Variants in RAB8B observed in about 807,000 individuals in gnomAD.
RAB8B encodes ras-related protein Rab-8B.
In RAB8B, 11 loss-of-function variants were observed where a neutral mutation model predicts 32.0. The observed-to-expected ratio is 0.34, with a 90% CI of 0.22 to 0.57. The LOEUF is 0.57. RAB8B is among the 20% of genes least tolerant of loss of function. The probability of loss-of-function intolerance (pLI) is 0.86; values close to 1 mark genes in which losing one functional copy is unlikely to be tolerated. For missense variants in RAB8B, 190 were observed against 258.5 expected (o/e 0.73, Z 1.82); for synonymous variants, 103 against 89.6 (o/e 1.15, Z -0.85).
intron 1 of RAB8B, among the ~76,000 whole-genome samples, chr15:63,225,701 C>A (rs1209467290): frequency 6.6e-6 from 1 of 152,160 alleles, no homozygotes; most frequent in African/African-American, 2.4e-5. Flanking sequence ...CTAGGAGCTC[C>A]TTGAGACTCA....
At chr15:63,193,887 T>G (rs2037579504) in intron 1 of RAB8B, among the ~76,000 whole-genome samples, 1 of 152,176 alleles carries the variant, frequency 6.6e-6, no homozygotes, top group African/African-American at 2.4e-5. Context: ...CAACTAGGAA[T>G]GATGATACAG....
At chr15:63,236,410 T>C (rs2037980739) in intron 1 of RAB8B, among the ~76,000 whole-genome samples, 1 of 152,158 alleles carries the variant, frequency 6.6e-6, no homozygotes, top group Non-Finnish European at 1.5e-5. Flanking sequence ...TTGAGCAACA[T>C]GGAAATACCT....
At chr15:63,226,271 C>T (rs2037888506) in intron 1 of RAB8B, among the ~76,000 whole-genome samples, 2 of 152,156 alleles carry the variant, frequency 1.3e-5, no homozygotes, top group South Asian at 4.1e-4. Flanking sequence ...ACTCTTTAGC[C>T]ATATCTGTTA....
intron 1 of RAB8B, among the ~76,000 whole-genome samples, chr15:63,242,270 G>T (rs2038038532): frequency 6.6e-6 from 1 of 151,838 alleles, no homozygotes; most frequent in South Asian, 2.1e-4. Flanking sequence ...AATTCGGTTG[G>T]TTTATGTCTA....
intron 2 of RAB8B, among the ~76,000 whole-genome samples, 172 bp downstream of exon 2, chr15:63,244,988 G>C (rs2038060093): frequency 6.6e-6 from 1 of 152,260 alleles, no homozygotes; most frequent in African/African-American, 2.4e-5. Flanking sequence ...TCTTCACCAA[G>C]AGTTGGGAAG....
chr15:63,229,010 T>C (rs982071159), intron 1 of RAB8B, among the ~76,000 whole-genome samples: 2 of 152,274 alleles, frequency 1.3e-5, no homozygotes, highest in African/African-American at 4.8e-5. Context: ...ATGTATTTTC[T>C]ACATGGTTGC....
intron 3 of RAB8B, among the ~76,000 whole-genome samples, chr15:63,253,967 G>A (rs1336017975): frequency 2.0e-5 from 3 of 152,158 alleles, no homozygotes; most frequent in South Asian, 2.1e-4. Flanking sequence ...TGAGTTTGCC[G>A]TGATCACAAG....
At chr15:63,236,787 TA>T (rs2037984399) in intron 1 of RAB8B, among the ~76,000 whole-genome samples, 1 of 152,210 alleles carries the variant, frequency 6.6e-6, no homozygotes, top group South Asian at 2.1e-4. Context: ...GTAGTTATTT[TA>T]AAATGTATAA....
intron 1 of RAB8B, among the ~76,000 whole-genome samples, chr15:63,191,814 C>T (rs184110581): frequency 1.1e-4 from 17 of 152,268 alleles, no homozygotes; most frequent in Non-Finnish European, 1.5e-4. Context: ...TTCGTTTTCT[C>T]TTTTTCCCTT....
intron 4 of RAB8B, among the ~76,000 whole-genome samples, chr15:63,256,281 C>G (rs1418692838): frequency 6.6e-6 from 1 of 152,070 alleles, no homozygotes; most frequent in East Asian, 1.9e-4. Flanking sequence ...TTTGTTCCAC[C>G]TTCTTTCCAA....
intron 1 of RAB8B, among the ~76,000 whole-genome samples, chr15:63,217,750 C>T (rs1032059631): frequency 6.6e-6 from 1 of 152,100 alleles, no homozygotes; most frequent in Non-Finnish European, 1.5e-5. Context: ...TAAAGTAAAA[C>T]GTGATAAAGA....
At chr15:63,212,464 G>C (rs1037784931) in intron 1 of RAB8B, among the ~76,000 whole-genome samples, 2 of 152,082 alleles carry the variant, frequency 1.3e-5, no homozygotes, top group African/African-American at 4.8e-5. Flanking sequence ...ATTAGGGGAG[G>C]GGAAATTCTG....
chr15:63,258,425 T>A (rs1422235104), intron 5 of RAB8B, among the ~76,000 whole-genome samples: 2 of 152,238 alleles, frequency 1.3e-5, no homozygotes, highest in East Asian at 3.9e-4. Context: ...CAGTAACTGT[T>A]GGAGAATTAA....
intron 5 of RAB8B, among the ~76,000 whole-genome samples, chr15:63,258,789 A>G (rs937759833): frequency 1.3e-5 from 2 of 152,150 alleles, no homozygotes; most frequent in Non-Finnish European, 2.9e-5. Context: ...CAATCAAAGG[A>G]TGAAATGAAG....
chr15:63,208,090 A>AT (rs1272225426), intron 1 of RAB8B, among the ~76,000 whole-genome samples: 1 of 152,164 alleles, frequency 6.6e-6, no homozygotes, highest in Non-Finnish European at 1.5e-5. Flanking sequence ...TTAATCCCTT[A>AT]TCCCTCCCTT....
chr15:63,231,172 G>A (rs147841082), intron 1 of RAB8B, among the ~76,000 whole-genome samples: 3 of 152,272 alleles, frequency 2.0e-5, no homozygotes, highest in Admixed American at 1.3e-4. Flanking sequence ...TACATGGATA[G>A]CATTCTTTTT....
chr15:63,236,725 C>T (rs28369547), intron 1 of RAB8B, among the ~76,000 whole-genome samples: 38,087 of 151,988 alleles, frequency 0.25, 5,046 homozygotes, highest in Admixed American at 0.36. Flanking sequence ...ATGGAGTATC[C>T]ATCACCTCAA....
Position 63,206,738 on chromosome 15 carries a change from G to A in RAB8B, c.124+16990G>A, listed in dbSNP as rs187348774. On this transcript the variant is annotated intron_variant, in intron 1 of 7. Transcript: ENST00000321437. ...TCTACATAGGATATCCCATAAACTCGCTACTTTCTCAAGTCACCCATCTCC... is the reference window on the plus strand; with the variant it reads ...TCTACATAGGATATCCCATAAACTCACTACTTTCTCAAGTCACCCATCTCC... Among the ~76,000 whole-genome samples, 19 of 151,952 alleles carry A rather than the reference G, an allele frequency of 1.3e-4. No individual in the cohort carries two copies. In the East Asian group the frequency reaches 3.3e-3, roughly 26 times the overall value.
chr15:63,208,731 C>T (rs996324693), intron 1 of RAB8B, among the ~76,000 whole-genome samples: 15 of 151,950 alleles, frequency 9.9e-5, no homozygotes, highest in African/African-American at 3.6e-4. Flanking sequence ...GAGGCCATGT[C>T]AGAATTGTCT....
Sources: gnomAD v4.1 joint callset for allele counts (sites outside exome capture counted in the v4.1 genomes callset) on GRCh38, gnomAD v4.1.1 for gene constraint, MANE v1.5 for transcripts, NCBI Gene and HGNC (gene_info 2026-07-23, HGNC 2026-07-21) for gene names.